Variants in EPHA7 observed in about 807,000 individuals in gnomAD.
EPHA7 encodes the protein EPH receptor A7.
Under a neutral mutation model 112.6 loss-of-function variants are expected in EPHA7, and 25 were observed. The observed-to-expected ratio is 0.22, with a 90% CI of 0.16 to 0.31. EPHA7 has a LOEUF of 0.31. Among genes scored for constraint, EPHA7 ranks in the 10% least tolerant of loss-of-function variants. The pLI is 1.00. For synonymous variants in EPHA7, 437 were observed against 406.5 expected (o/e 1.07, Z -0.90); for missense variants, 962 against 1,212.6 (o/e 0.79, Z 3.07).
intron 11 of EPHA7, 152 bp downstream of exon 11, chr6:93,257,947 A>G: frequency 2.8e-6 from 2 of 706,152 alleles, no homozygotes; most frequent in Non-Finnish European, 4.4e-6. Context: ...GTGATAACAT[A>G]AAGGAAGAAT....
At chr6:93,366,908 G>T (rs1038196303) in intron 3 of EPHA7, among the ~76,000 whole-genome samples, 1 of 151,302 alleles carries the variant, frequency 6.6e-6, no homozygotes, top group Non-Finnish European at 1.5e-5. Flanking sequence ...GTCCTCATAG[G>T]TTTACTCTGA....
chr6:93,274,316 G>C (rs1016649302), intron 5 of EPHA7, among the ~76,000 whole-genome samples: 2 of 151,808 alleles, frequency 1.3e-5, no homozygotes, highest in Non-Finnish European at 2.9e-5. Flanking sequence ...TTATGGAAAA[G>C]ATTTGGGTTA....
chr6:93,298,111 A>G (rs1188529920), intron 5 of EPHA7, among the ~76,000 whole-genome samples: 1 of 152,184 alleles, frequency 6.6e-6, no homozygotes, highest in East Asian at 1.9e-4. Context: ...ATAAAGAATT[A>G]AATAAGACCA....
rs116519435 is a variant in EPHA7 at position 93,388,629 on chromosome 6, G to A, written c.832+21872C>T. On this transcript the variant is annotated intron_variant, in intron 3 of 16. Coordinates refer to ENST00000369303, the MANE Select transcript of EPHA7 (RefSeq NM_004440.4). ...TATTGAAAGCCTCTCTGACCAGCAC[G>A]ACTGTGGGCTTGTTCAGAAGGAAAT... is the stretch of plus-strand genomic sequence containing the variant. 4.1e-3 allele frequency among the ~76,000 whole-genome samples: 623 copies of A among 152,182 alleles called. 5 individuals carry two copies. The highest frequency in any genetic ancestry group is 0.014 in the African/African-American group (572 of 41,564).
chr6:93,366,908 G>A (rs1038196303), intron 3 of EPHA7, among the ~76,000 whole-genome samples: 1 of 151,420 alleles, frequency 6.6e-6, no homozygotes, highest in Non-Finnish European at 1.5e-5. Flanking sequence ...GTCCTCATAG[G>A]TTTACTCTGA....
intron 3 of EPHA7, among the ~76,000 whole-genome samples, chr6:93,381,346 T>C (rs1266468683): frequency 6.6e-6 from 1 of 152,160 alleles, no homozygotes; most frequent in Non-Finnish European, 1.5e-5. Context: ...ACTGAAGAAA[T>C]TGTGGGGAAC....
chr6:93,243,190 A>G lies in EPHA7; in HGVS notation c.*236T>C, dbSNP rs1027759695. 2.9e-5 allele frequency: 11 copies of G among 375,506 alleles called. No individual in the cohort carries two copies. Among genetic ancestry groups the G allele is most frequent in the Middle Eastern group, 6.8e-4 (1 of 1,462 alleles). 23.3% of individuals were successfully genotyped at this position (375,506 alleles called of 1,614,324 possible). ...GGTGTTTGGATGTTTTTCAGGTAGTACTTTGTTTATTGTCACTGCTATTTT... is the reference window on the plus strand; with the variant it reads ...GGTGTTTGGATGTTTTTCAGGTAGTGCTTTGTTTATTGTCACTGCTATTTT... On this transcript the variant is annotated 3_prime_UTR_variant, in exon 17 of 17. Transcript: ENST00000369303.
intron 5 of EPHA7, among the ~76,000 whole-genome samples, chr6:93,332,016 G>A (rs1308395837): frequency 6.6e-6 from 1 of 151,576 alleles, no homozygotes; most frequent in Non-Finnish European, 1.5e-5. Flanking sequence ...CTACACACCT[G>A]ACATTGTTAG....
intron 3 of EPHA7, among the ~76,000 whole-genome samples, chr6:93,399,274 G>C (rs971296507): frequency 1.3e-5 from 2 of 152,028 alleles, no homozygotes; most frequent in African/African-American, 4.8e-5. Flanking sequence ...CAGAAACTTA[G>C]AGGTATATAA....
Position 93,256,807 on chromosome 6 carries a change from C to T in EPHA7, c.2172+655G>A, listed in dbSNP as rs547311985. On this transcript the variant is annotated intron_variant, in intron 12 of 16. Coordinates refer to ENST00000369303, the MANE Select transcript of EPHA7 (RefSeq NM_004440.4). ...TCTCTAAATCCTATGACTGTTTATACGCCTGAGTTAAATATGATTCTAGAT... is the reference window on the plus strand; with the variant it reads ...TCTCTAAATCCTATGACTGTTTATATGCCTGAGTTAAATATGATTCTAGAT... Among the ~76,000 whole-genome samples, 33 of 152,120 alleles carry T rather than the reference C, an allele frequency of 2.2e-4. 1 individual carries two copies. Among genetic ancestry groups the T allele is most frequent in the Middle Eastern group, 6.8e-3 (2 of 294 alleles).
intron 3 of EPHA7, among the ~76,000 whole-genome samples, chr6:93,379,810 C>T (rs1191186557): frequency 6.6e-6 from 1 of 151,964 alleles, no homozygotes; most frequent in Non-Finnish European, 1.5e-5. Context: ...TACACCTAGA[C>T]ATACAGCAGG....
chr6:93,318,067 C>A (rs940207339), intron 5 of EPHA7, among the ~76,000 whole-genome samples: 1 of 152,034 alleles, frequency 6.6e-6, no homozygotes, highest in African/African-American at 2.4e-5. Context: ...CATTACCCTT[C>A]TAAAAAGAAA....
intron 3 of EPHA7, among the ~76,000 whole-genome samples, chr6:93,387,924 C>CAGACAGACAGAT (rs1310430859): frequency 0.069 from 10,099 of 145,402 alleles, 382 homozygotes; most frequent in Middle Eastern, 0.099. Context: ...GATAGATAGA[C>CAGACAGACAGAT]AGATAGATAG....
At chr6:93,350,424 A>G (rs1368144295) in intron 5 of EPHA7, among the ~76,000 whole-genome samples, 2 of 152,004 alleles carry the variant, frequency 1.3e-5, no homozygotes. Flanking sequence ...TCATCACTAT[A>G]TAATTTACCG....
chr6:93,269,693 G>C, intron 6 of EPHA7, 33 bp from the exon 7 acceptor site: 1 of 1,455,268 alleles, frequency 6.9e-7, no homozygotes, highest in Non-Finnish European at 9.1e-7. Flanking sequence ...ATATTTAATT[G>C]TGATTGCAAC....
At chr6:93,393,462 AAACT>A (rs1778008465) in intron 3 of EPHA7, among the ~76,000 whole-genome samples, 1 of 151,866 alleles carries the variant, frequency 6.6e-6, no homozygotes, top group Admixed American at 6.6e-5. Flanking sequence ...CTCTCAGATT[AAACT>A]AAGAGGTCCA....
At chr6:93,361,859 T>G (rs1054837168) in intron 3 of EPHA7, among the ~76,000 whole-genome samples, 2 of 152,134 alleles carry the variant, frequency 1.3e-5, no homozygotes, top group African/African-American at 2.4e-5. Flanking sequence ...TGATATAGTA[T>G]GTACCCTATG....
chr6:93,418,503 G>T (rs2127999688), intron 1 of EPHA7, among the ~76,000 whole-genome samples: 1 of 152,252 alleles, frequency 6.6e-6, no homozygotes, highest in South Asian at 2.1e-4. Flanking sequence ...GCTCCAGCCC[G>T]CCCCCTGCCT....
chr6:93,342,704 G>A lies in EPHA7; in HGVS notation c.1324+14013C>T, dbSNP rs181259953. Among the ~76,000 whole-genome samples the A allele has an allele frequency of 2.5e-3, 380 of 151,586 alleles. 3 individuals carry two copies. Among genetic ancestry groups the A allele is most frequent in the South Asian group, 3.9e-3 (19 of 4,814 alleles). On this transcript the variant is annotated intron_variant, in intron 5 of 16. Coordinates refer to ENST00000369303, the MANE Select transcript of EPHA7 (RefSeq NM_004440.4). ...AAATACTGTTTTATAAGGATGGCAG[G>A]GTAATTTCAGTTACCTAGAAGGATA...
Sources: allele counts gnomAD v4.1 joint callset (sites outside exome capture counted in the v4.1 genomes callset), GRCh38; gene constraint gnomAD v4.1.1; transcripts MANE v1.5; gene names NCBI Gene and HGNC (gene_info 2026-07-23, HGNC 2026-07-21).